PIK3AP1: variants seen among roughly 807,000 people sequenced by gnomAD.
The protein encoded by PIK3AP1 is phosphoinositide-3-kinase adaptor protein 1, also known as phosphoinositide 3-kinase adapter protein 1.
A neutral mutation model predicts 88.1 loss-of-function variants in PIK3AP1; 21 were observed. That is an observed-to-expected ratio of 0.24 (90% CI 0.17 to 0.34). The LOEUF (loss-of-function observed/expected upper bound fraction) is 0.34, where lower values mean the gene tolerates loss of function less well. PIK3AP1 is among the 10% of genes least tolerant of loss of function. The probability of loss-of-function intolerance (pLI) is 1.00; values close to 1 mark genes in which losing one functional copy is unlikely to be tolerated. For missense variants in PIK3AP1, 828 were observed against 1,035.7 expected (o/e 0.80, Z 2.75); for synonymous variants, 398 against 400.0 (o/e 1.00, Z 0.06).
chr10:96,607,494 T>G (rs919725913), intron 14 of PIK3AP1, among the ~76,000 whole-genome samples: 1 of 152,190 alleles, frequency 6.6e-6, no homozygotes, highest in Non-Finnish European at 1.5e-5. Flanking sequence ...TAACCACCAG[T>G]GACCCCCTAG....
At chr10:96,672,664 G>A (rs1843863469) in intron 2 of PIK3AP1, among the ~76,000 whole-genome samples, 1 of 152,042 alleles carries the variant, frequency 6.6e-6, no homozygotes, top group Admixed American at 6.5e-5. Flanking sequence ...AACATCTGAG[G>A]CTGCCATGAC....
chr10:96,626,573 G>C, intron 10 of PIK3AP1, 135 bp downstream of exon 10: 1 of 938,240 alleles, frequency 1.1e-6, no homozygotes, highest in South Asian at 1.7e-5. Context: ...ATATGACCCT[G>C]TCTCGTAGGG....
At chr10:96,607,260 G>A (rs570734967) in intron 14 of PIK3AP1, among the ~76,000 whole-genome samples, 1 of 152,286 alleles carries the variant, frequency 6.6e-6, no homozygotes, top group Admixed American at 6.5e-5. Context: ...TGAAAGCACA[G>A]GAAGACATAG....
chr10:96,597,271 T>TTTCTTTCC lies in PIK3AP1; in HGVS notation c.2361-1638_2361-1637insGGAAAGAA, dbSNP rs1373374065. Among the ~76,000 whole-genome samples, 243 of 107,574 alleles carry TTTCTTTCC rather than the reference T, an allele frequency of 2.3e-3. 1 individual carries two copies. The highest frequency in any genetic ancestry group is 0.018 in the East Asian group (68 of 3,816). 70.6% of individuals were successfully genotyped at this position (107,574 alleles called of 152,430 possible). ...CCTTCTTTTTTTCTTTCTTTCTTTC[T>TTTCTTTCC]TTCCTTCCTTCCTTCCTTCCTTCCT... is the stretch of plus-strand genomic sequence containing the variant. On this transcript the variant is annotated intron_variant, in intron 16 of 16. Transcript: ENST00000339364.
At chr10:96,596,281 C>T (rs1848751415) in intron 16 of PIK3AP1, among the ~76,000 whole-genome samples, 1 of 152,178 alleles carries the variant, frequency 6.6e-6, no homozygotes, top group South Asian at 2.1e-4. Flanking sequence ...CTTACCCAGG[C>T]TCACCTGTTT....
chr10:96,694,892 T>G (rs984324415), intron 2 of PIK3AP1, among the ~76,000 whole-genome samples: 2 of 152,142 alleles, frequency 1.3e-5, no homozygotes, highest in Non-Finnish European at 2.9e-5. Flanking sequence ...CATCAAAGAC[T>G]CTAAAGCTAG....
At chr10:96,671,999 A>C (rs1843853560) in intron 2 of PIK3AP1, among the ~76,000 whole-genome samples, 3 of 152,108 alleles carry the variant, frequency 2.0e-5, no homozygotes, top group African/African-American at 7.2e-5. Context: ...TGATTGTGCC[A>C]CTGCACTCCA....
At chr10:96,645,766 G>GA (rs1416445180) in intron 7 of PIK3AP1, 104 bp from the exon 8 acceptor site, 1 of 949,960 alleles carries the variant, frequency 1.1e-6, no homozygotes, top group Non-Finnish European at 1.6e-6. Flanking sequence ...AGGCTCCCAT[G>GA]AGTCAGGATT....
intron 14 of PIK3AP1, among the ~76,000 whole-genome samples, chr10:96,607,431 T>C (rs1017753075): frequency 1.3e-5 from 2 of 152,150 alleles, no homozygotes; most frequent in African/African-American, 4.8e-5. Context: ...AGAGAAAGCA[T>C]TTGATTAATG....
At chr10:96,606,542 C>A (rs530939585) in intron 14 of PIK3AP1, among the ~76,000 whole-genome samples, 2 of 152,348 alleles carry the variant, frequency 1.3e-5, no homozygotes, top group Middle Eastern at 3.4e-3. Flanking sequence ...CCTGGCCCTC[C>A]TCCTCTCCAA....
At chr10:96,710,074 G>T in intron 1 of PIK3AP1, 91 bp from the exon 2 acceptor site, 12 of 1,314,752 alleles carry the variant, frequency 9.1e-6, no homozygotes, top group Non-Finnish European at 1.2e-5. Context: ...TCCAGACACT[G>T]GGTCTGGCAC....
rs1386024733 is a variant in PIK3AP1 at position 96,628,893 on chromosome 10, T to TAC, written c.1376-401_1376-400insGT. Among the ~76,000 whole-genome samples, 206 of 53,394 alleles carry TAC rather than the reference T, an allele frequency of 3.9e-3. 20 individuals are homozygous for TAC. Among genetic ancestry groups the TAC allele is most frequent in the Middle Eastern group, 0.021 (2 of 96 alleles). The allele number at this position is 53,394 out of a possible 152,430, so 35.0% of individuals were successfully genotyped here. Reference sequence around the variant, plus strand: ...ATATACACATATATATATATACATATATATATATATATATGTGTATATATA... The same window carrying TAC: ...ATATACACATATATATATATACATATACATATATATATATATGTGTATATATA... On this transcript the variant is annotated intron_variant, in intron 8 of 16. Coordinates refer to ENST00000339364, the MANE Select transcript of PIK3AP1 (RefSeq NM_152309.3).
chr10:96,610,206 G>A (rs1849083853), intron 13 of PIK3AP1, among the ~76,000 whole-genome samples: 1 of 152,176 alleles, frequency 6.6e-6, no homozygotes, highest in South Asian at 2.1e-4. Context: ...AGCATCTGTG[G>A]AACTCCAGCA....
intron 2 of PIK3AP1, among the ~76,000 whole-genome samples, chr10:96,671,769 G>A (rs1354495530): frequency 6.6e-6 from 1 of 152,100 alleles, no homozygotes; most frequent in Non-Finnish European, 1.5e-5. Context: ...GGCCAGGCAT[G>A]ATTACTCACA....
At chr10:96,619,619 G>A (rs1394581923) in intron 12 of PIK3AP1, 1 of 152,168 alleles carries the variant, frequency 6.6e-6, no homozygotes, top group East Asian at 1.9e-4. Flanking sequence ...GCTTCCTAAG[G>A]TTAAGTTTGA....
intron 2 of PIK3AP1, among the ~76,000 whole-genome samples, chr10:96,677,573 GCACATA>G (rs1422194618): frequency 8.5e-5 from 8 of 94,004 alleles, no homozygotes; most frequent in Non-Finnish European, 1.4e-4. Flanking sequence ...TCCTCACTAA[GCACATA>G]CACACACACA....
At chr10:96,647,746 G>A (rs1412930465) in intron 7 of PIK3AP1, among the ~76,000 whole-genome samples, 27 of 152,174 alleles carry the variant, frequency 1.8e-4, no homozygotes, top group Admixed American at 1.7e-3. Flanking sequence ...TCTGGAGGTC[G>A]AGAGCAAGAC....
At chr10:96,642,446 G>A (rs1430647854) in intron 8 of PIK3AP1, among the ~76,000 whole-genome samples, 19 of 76,026 alleles carry the variant, frequency 2.5e-4, no homozygotes, top group East Asian at 3.3e-4. Flanking sequence ...AAAAAAAACA[G>A]AAAGAAAGAA....
chr10:96,605,470 GAGA>G (rs556677801), intron 14 of PIK3AP1, among the ~76,000 whole-genome samples: 16 of 152,288 alleles, frequency 1.1e-4, no homozygotes, highest in African/African-American at 3.4e-4. Context: ...TGATCTAGCA[GAGA>G]AGAAGAAAAA....
Sources: gnomAD v4.1 joint callset for allele counts (sites outside exome capture counted in the v4.1 genomes callset) on GRCh38, gnomAD v4.1.1 for gene constraint, MANE v1.5 for transcripts, NCBI Gene and HGNC (gene_info 2026-07-23, HGNC 2026-07-21) for gene names.